Variants in SLC5A8 observed in about 807,000 individuals in gnomAD.
SLC5A8 encodes the protein sodium-coupled monocarboxylate transporter 1.
A neutral mutation model predicts 71.9 loss-of-function variants in SLC5A8; 55 were observed. The observed-to-expected ratio is 0.77, with a 90% confidence interval of 0.62 to 0.96. The LOEUF (loss-of-function observed/expected upper bound fraction) is 0.96. Ranked by LOEUF, SLC5A8 falls within the 40% of genes least tolerant of loss-of-function variation. SLC5A8 has a pLI of 0.00. For synonymous variants in SLC5A8, 307 were observed against 276.1 expected (o/e 1.11, Z -1.11); for missense variants, 701 against 745.3 (o/e 0.94, Z 0.69).
At chr12:101,183,903 T>C (rs1381854120) in intron 8 of SLC5A8, among the ~76,000 whole-genome samples, 2 of 151,974 alleles carry the variant, frequency 1.3e-5, no homozygotes, top group African/African-American at 4.8e-5. Context: ...CATCATAGGA[T>C]GTATGGTGGT....
chr12:101,197,529 A>C (rs1425613639), intron 3 of SLC5A8, among the ~76,000 whole-genome samples: 1 of 152,214 alleles, frequency 6.6e-6, no homozygotes, highest in African/African-American at 2.4e-5. Flanking sequence ...GGTGAACATT[A>C]AATGACCCCA....
chr12:101,188,711 C>T (rs1003813489), intron 6 of SLC5A8, among the ~76,000 whole-genome samples: 1 of 152,122 alleles, frequency 6.6e-6, no homozygotes, highest in East Asian at 1.9e-4. Flanking sequence ...AGTCTGCTTC[C>T]GGAAGAATCA....
rs2051670651 is a variant in SLC5A8, at chr12:101,157,067, G to A, written c.*212C>T. 1 of 491,078 alleles carries A rather than the reference G, an allele frequency of 2.0e-6. No homozygotes were observed. The highest frequency in any genetic ancestry group is 3.5e-6 in the Non-Finnish European group (1 of 282,952). The allele number at this position is 491,078 out of a possible 1,614,324, so 30.4% of individuals were successfully genotyped here. On this transcript the variant is annotated 3_prime_UTR_variant, in exon 15 of 15. Coordinates refer to ENST00000536262, the MANE Select transcript of SLC5A8 (RefSeq NM_145913.5). ...CTTCATCGAAATAAAGGAAAGAGAG[G>A]GAAATGTCAATGCCAGAATTCTAAA...
In SLC5A8 at chr12:101,209,981, C is replaced by T; in HGVS notation, c.-133G>A. 2 of 774,378 alleles carry T rather than the reference C, an allele frequency of 2.6e-6. No individual in the cohort carries two copies. The highest frequency in any genetic ancestry group is 3.8e-6 in the Non-Finnish European group (2 of 523,964). 48.0% of individuals were successfully genotyped at this position (774,378 alleles called of 1,614,324 possible). ...TCCCGCGGGGACTGGAGGCGTCCTC[C>T]AGGTGTCGGCCTCCGAACGCACCCC... On this transcript the variant is annotated 5_prime_UTR_variant, in exon 1 of 15. Coordinates refer to ENST00000536262, the MANE Select transcript of SLC5A8 (RefSeq NM_145913.5).
chr12:101,171,434 T>C lies in SLC5A8; in HGVS notation c.1234-3252A>G, dbSNP rs147748258. Reference sequence around the variant, plus strand: ...CCCCTGACCCTGAGGGGGTCAATAATTGAGAGGCTGCCCAAGTTTGAAAGT... The same window carrying C: ...CCCCTGACCCTGAGGGGGTCAATAACTGAGAGGCTGCCCAAGTTTGAAAGT... On this transcript the variant is annotated intron_variant, in intron 10 of 14. Transcript: ENST00000536262. Among the ~76,000 whole-genome samples the C allele has an allele frequency of 3.2e-3, 484 of 152,230 alleles. 3 individuals are homozygous for C. The highest frequency in any genetic ancestry group is 0.011 in the African/African-American group (458 of 41,532).
chr12:101,200,045 A>AAAAAAAAAAAC, intron 3 of SLC5A8, among the ~76,000 whole-genome samples: 1 of 102,672 alleles, frequency 9.7e-6, no homozygotes, highest in Non-Finnish European at 1.9e-5. Context: ...AAAAAAAAAA[A>AAAAAAAAAAAC]AAAAAAAAAG....
chr12:101,168,135 C>T lies in SLC5A8; in HGVS notation c.1281G>A (p.Leu427=). ...AGGGAACCAAAATGCCCAAAGCGAA[C>T]AGGCCCATAAGTGGTCCACCAACCA... is the stretch of plus-strand genomic sequence containing the variant. ...FGMVGGPLMG[L]FALGILVPFA... Residue 427 remains leucine, a synonymous_variant, in exon 11 of 15, where the codon CTG becomes CTA. Coordinates refer to ENST00000536262, the MANE Select transcript of SLC5A8 (RefSeq NM_145913.5). 1 of 1,610,372 alleles carries T rather than the reference C, an allele frequency of 6.2e-7. No individual in the cohort carries two copies. The highest frequency in any genetic ancestry group is 8.5e-7 in the Non-Finnish European group (1 of 1,178,180).
At chr12:101,182,775 A>C in intron 9 of SLC5A8, 28 bp downstream of exon 9, 1 of 1,496,462 alleles carries the variant, frequency 6.7e-7, no homozygotes, top group Middle Eastern at 1.7e-4. Context: ...CTCTGAGCTA[A>C]AATGGAATTA....
At chr12:101,204,594 C>T in intron 1 of SLC5A8, 29 bp from the exon 2 acceptor site, 1 of 1,477,658 alleles carries the variant, frequency 6.8e-7, no homozygotes. Context: ...TTATGCGAAT[C>T]CTCTGGATGC....
intron 3 of SLC5A8, among the ~76,000 whole-genome samples, chr12:101,195,547 G>A (rs770755997): frequency 1.6e-4 from 24 of 152,238 alleles, no homozygotes; most frequent in East Asian, 3.9e-4. Context: ...TGAGGATAAT[G>A]TATCATACTG....
At chr12:101,159,423 C>A (rs1347285284) in intron 13 of SLC5A8, among the ~76,000 whole-genome samples, 1 of 152,164 alleles carries the variant, frequency 6.6e-6, no homozygotes, top group Non-Finnish European at 1.5e-5. Flanking sequence ...CTGATGAAAA[C>A]ATAGCCTTCT....
chr12:101,165,658 TG>T (rs746677374), intron 12 of SLC5A8, among the ~76,000 whole-genome samples: 3 of 152,118 alleles, frequency 2.0e-5, no homozygotes, highest in Non-Finnish European at 2.9e-5. Flanking sequence ...GAACACAAAT[TG>T]CTAATAATGG....
rs539348671 is a variant in SLC5A8, at chr12:101,157,192, A to T, written c.*87T>A. ...CAAACACTCATGATACAACACACAC[A>T]CACACACAAAGAAAACCTGATCCAA... On this transcript the variant is annotated 3_prime_UTR_variant, in exon 15 of 15. Transcript: ENST00000536262. The T allele has an allele frequency of 7.2e-5, 109 of 1,524,042 alleles. No homozygotes were observed. Among genetic ancestry groups the T allele is most frequent in the Non-Finnish European group, 9.4e-5 (106 of 1,123,682 alleles). 94.4% of individuals were successfully genotyped at this position (1,524,042 alleles called of 1,614,324 possible).
intron 2 of SLC5A8, 29 bp downstream of exon 2, chr12:101,204,471 A>C: frequency 6.4e-7 from 1 of 1,564,004 alleles, no homozygotes; most frequent in East Asian, 2.3e-5. Flanking sequence ...TTAGCTGACA[A>C]AAGATAAAAT....
At chr12:101,163,510 C>A (rs1445548532) in intron 12 of SLC5A8, among the ~76,000 whole-genome samples, 1 of 152,128 alleles carries the variant, frequency 6.6e-6, no homozygotes, top group East Asian at 1.9e-4. Context: ...GAAACCCCAT[C>A]TCTACTAAAG....
In SLC5A8 at chr12:101,166,745, T is replaced by C. The variant is rs77077012; in HGVS notation, c.1321-46A>G. On this transcript the variant is annotated intron_variant, in intron 11 of 14. Coordinates refer to ENST00000536262, the MANE Select transcript of SLC5A8 (RefSeq NM_145913.5). Reference sequence around the variant, plus strand: ...TAAAAGAAAAATAATACAATTTGCTTTGATGTCAAAATTAATATTAGAAAG... The same window carrying C: ...TAAAAGAAAAATAATACAATTTGCTCTGATGTCAAAATTAATATTAGAAAG... 1.0e-4 allele frequency: 157 copies of C among 1,498,076 alleles called. 1 individual carries two copies. The East Asian group carries it at 3.7e-3, about 35-fold the overall frequency. The allele number at this position is 1,498,076 out of a possible 1,614,324, so 92.8% of individuals were successfully genotyped here.
intron 3 of SLC5A8, among the ~76,000 whole-genome samples, 166 bp downstream of exon 3, chr12:101,201,998 C>G (rs1265070530): frequency 6.6e-6 from 1 of 152,172 alleles, no homozygotes; most frequent in East Asian, 1.9e-4. Flanking sequence ...TCCAAAAACC[C>G]AAAGAAGCTA....
chr12:101,185,518 A>G lies in SLC5A8; in HGVS notation c.964-1296T>C, dbSNP rs558603611. 2.0e-4 allele frequency among the ~76,000 whole-genome samples: 30 copies of G among 152,306 alleles called. 1 individual carries two copies. In the South Asian group the frequency reaches 5.8e-3, roughly 29 times the overall value. On this transcript the variant is annotated intron_variant, in intron 7 of 14. Transcript: ENST00000536262. Reference sequence around the variant, plus strand: ...GAAACTGGCCTGCTTCCTCTGGGCAAATGCCAGCAGAGCATAGAGAAACAT... The same window carrying G: ...GAAACTGGCCTGCTTCCTCTGGGCAGATGCCAGCAGAGCATAGAGAAACAT...
chr12:101,158,598 CTATATATATATATATATA>C lies in SLC5A8; in HGVS notation c.1631-288_1631-271del, dbSNP rs139268658. Among the ~76,000 whole-genome samples, 6 of 21,244 alleles carry C rather than the reference CTATATATATATATATATA, an allele frequency of 2.8e-4. 1 individual carries two copies. Among genetic ancestry groups the C allele is most frequent in the Admixed American group, 2.7e-3 (4 of 1,470 alleles). The allele number at this position is 21,244 out of a possible 152,430, so 13.9% of individuals were successfully genotyped here. A position where few individuals can be genotyped will look rare whatever the true frequency, so the allele number is the denominator to read the frequency against. ...TCTCTCTCTCTCTCTCTCTCTCTCT[CTATATATATATATATATA>C]TATATATATATATATATGTATCATA... On this transcript the variant is annotated intron_variant, in intron 13 of 14. Transcript: ENST00000536262.
Sources: gnomAD v4.1 joint callset for allele counts (sites outside exome capture counted in the v4.1 genomes callset) on GRCh38, gnomAD v4.1.1 for gene constraint, MANE v1.5 for transcripts, NCBI Gene and HGNC (gene_info 2026-07-23, HGNC 2026-07-21) for gene names.